LRP1B: variants seen among roughly 807,000 people sequenced by gnomAD.
LRP1B encodes the protein low-density lipoprotein receptor-related protein 1B.
Under a neutral mutation model 556.6 loss-of-function variants are expected in LRP1B, and 217 were observed. The observed-to-expected ratio is 0.39, with a 90% CI of 0.35 to 0.44. The LOEUF (loss-of-function observed/expected upper bound fraction) is 0.44, where lower values mean the gene tolerates loss of function less well. Ranked by LOEUF, LRP1B falls within the 20% of genes least tolerant of loss-of-function variation. The probability of loss-of-function intolerance (pLI) is 1.00; values close to 1 mark genes in which losing one functional copy is unlikely to be tolerated. For missense variants in LRP1B, 5,053 were observed against 5,620.8 expected (o/e 0.90, Z 3.23); for synonymous variants, 2,047 against 1,865.8 (o/e 1.10, Z -2.50).
intron 6 of LRP1B, among the ~76,000 whole-genome samples, chr2:141,194,110 C>A (rs1465184074): frequency 1.3e-5 from 2 of 152,064 alleles, no homozygotes; most frequent in African/African-American, 2.4e-5. Flanking sequence ...TATATCAGTA[C>A]TTTTTCTTTC....
chr2:142,023,674 A>G (rs1295393235), intron 1 of LRP1B, among the ~76,000 whole-genome samples: 1 of 152,204 alleles, frequency 6.6e-6, no homozygotes, highest in African/African-American at 2.4e-5. Flanking sequence ...TAGACACAAA[A>G]TGCCTTGAGC....
intron 2 of LRP1B, among the ~76,000 whole-genome samples, chr2:141,582,605 A>T (rs1686987311): frequency 8.5e-6 from 1 of 117,760 alleles, no homozygotes; most frequent in Non-Finnish European, 1.9e-5. Context: ...TGAACACAGT[A>T]TTTGAAGATT....
rs72849527 is a variant in LRP1B, at chr2:141,006,002, G to A, written c.2381-545C>T. On this transcript the variant is annotated intron_variant, in intron 14 of 90. Coordinates refer to ENST00000389484, the MANE Select transcript of LRP1B (RefSeq NM_018557.3). The stretch of plus-strand genomic sequence containing the variant: ...AGGTGAATGTACAGTTCACCAGGGC[G>A]AAAGTGTTCTCCCAGTGGATCTAAA... Among the ~76,000 whole-genome samples the A allele has an allele frequency of 9.8e-3, 1,493 of 152,080 alleles. 10 individuals carry two copies. The highest frequency in any genetic ancestry group is 0.015 in the Non-Finnish European group (991 of 67,956).
At chr2:140,666,301 TACACACACACACACACAC>T (rs56905500) in intron 41 of LRP1B, among the ~76,000 whole-genome samples, 1 of 147,902 alleles carries the variant, frequency 6.8e-6, no homozygotes. Context: ...CCATTTATTA[TACACACACACACACACAC>T]ACACACACAC....
intron 3 of LRP1B, among the ~76,000 whole-genome samples, chr2:141,348,595 A>G (rs1490956763): frequency 2.6e-5 from 4 of 152,016 alleles, no homozygotes; most frequent in Admixed American, 1.3e-4. Flanking sequence ...ACATTTCCCT[A>G]TCTTGTTTAT....
chr2:141,449,431 C>T (rs981701257), intron 3 of LRP1B, among the ~76,000 whole-genome samples: 1 of 151,954 alleles, frequency 6.6e-6, no homozygotes, highest in South Asian at 2.1e-4. Flanking sequence ...CCTAAATGAC[C>T]CCCACCAAAC....
At chr2:141,307,581 T>C (rs999524231) in intron 3 of LRP1B, among the ~76,000 whole-genome samples, 25 of 152,326 alleles carry the variant, frequency 1.6e-4, no homozygotes, top group African/African-American at 5.8e-4. Context: ...AGTCTATTTC[T>C]TTTCAGTGGA....
At chr2:141,407,352 CA>C (rs1690680037) in intron 3 of LRP1B, among the ~76,000 whole-genome samples, 1 of 151,836 alleles carries the variant, frequency 6.6e-6, no homozygotes. Context: ...AGTAAACAAA[CA>C]AGCAAAAAAA....
intron 31 of LRP1B, among the ~76,000 whole-genome samples, chr2:140,820,570 T>C (rs985714704): frequency 6.6e-6 from 1 of 151,426 alleles, no homozygotes; most frequent in Non-Finnish European, 1.5e-5. Flanking sequence ...CACACAGAAA[T>C]AGAGGAAAAA....
chr2:141,555,918 A>G (rs1433840784), intron 2 of LRP1B, among the ~76,000 whole-genome samples: 2 of 151,818 alleles, frequency 1.3e-5, no homozygotes, highest in African/African-American at 2.4e-5. Context: ...CCAGTTTTAA[A>G]TCTTTTATTT....
chr2:141,525,595 T>C (rs190330433), intron 2 of LRP1B, among the ~76,000 whole-genome samples: 1 of 152,180 alleles, frequency 6.6e-6, no homozygotes, highest in African/African-American at 2.4e-5. Flanking sequence ...AACTGGTCAC[T>C]CATAGCACTT....
At chr2:141,162,649 A>G (rs16845527) in intron 7 of LRP1B, among the ~76,000 whole-genome samples, 19,352 of 152,112 alleles carry the variant, frequency 0.13, 1,500 homozygotes, top group East Asian at 0.25. Flanking sequence ...ATATAAACAC[A>G]AAATAACTAA....
intron 15 of LRP1B, among the ~76,000 whole-genome samples, chr2:141,003,468 G>A (rs1374076466): frequency 1.3e-5 from 2 of 152,048 alleles, no homozygotes; most frequent in African/African-American, 4.8e-5. Context: ...CATGTCATAG[G>A]AGGAATCCAG....
chr2:140,699,025 A>C (rs1020070196), intron 41 of LRP1B, among the ~76,000 whole-genome samples: 5 of 151,934 alleles, frequency 3.3e-5, no homozygotes, highest in South Asian at 2.1e-4. Context: ...TTCTACTCTA[A>C]TTTTTTTACT....
rs977884306 is a variant in LRP1B at position 141,427,697 on chromosome 2, TTTGG to T, written c.343+52695_343+52698del. Among the ~76,000 whole-genome samples, 96 of 152,316 alleles carry T rather than the reference TTTGG, an allele frequency of 6.3e-4. 1 individual carries two copies. The highest frequency in any genetic ancestry group is 1.9e-3 in the African/African-American group (80 of 41,590). ...TTTGTTTTGTTTTGTTTTTGTGGAC[TTTGG>T]TTGGTTGGTTAATTGTTTCTCAAAT... On this transcript the variant is annotated intron_variant, in intron 3 of 90. Coordinates refer to ENST00000389484, the MANE Select transcript of LRP1B (RefSeq NM_018557.3).
intron 20 of LRP1B, among the ~76,000 whole-genome samples, chr2:140,932,212 C>T (rs1415737206): frequency 6.6e-6 from 1 of 151,796 alleles, no homozygotes; most frequent in Non-Finnish European, 1.5e-5. Context: ...TCCCTTTTGC[C>T]TTTGTCCAAT....
intron 2 of LRP1B, among the ~76,000 whole-genome samples, chr2:141,668,451 A>G (rs1003696142): frequency 6.6e-6 from 1 of 152,150 alleles, no homozygotes; most frequent in African/African-American, 2.4e-5. Context: ...CCCAGGATCC[A>G]TGGCAGATGA....
intron 1 of LRP1B, among the ~76,000 whole-genome samples, chr2:141,928,859 G>A (rs1700409431): frequency 6.6e-6 from 1 of 152,118 alleles, no homozygotes; most frequent in South Asian, 2.1e-4. Flanking sequence ...GCAAAAACAT[G>A]TAAGTCAGGG....
At chr2:140,268,261 C>T (rs1199805528) in intron 86 of LRP1B, among the ~76,000 whole-genome samples, 1 of 151,866 alleles carries the variant, frequency 6.6e-6, no homozygotes, top group Non-Finnish European at 1.5e-5. Flanking sequence ...TCTCTGGTTG[C>T]AATGCCCAAG....
Sources: gnomAD v4.1 joint callset for allele counts (sites outside exome capture counted in the v4.1 genomes callset) on GRCh38, gnomAD v4.1.1 for gene constraint, MANE v1.5 for transcripts, NCBI Gene and HGNC (gene_info 2026-07-23, HGNC 2026-07-21) for gene names.